CELF2: variants seen among roughly 807,000 people sequenced by gnomAD.
CELF2 encodes the protein CUGBP Elav-like family member 2.
A neutral mutation model predicts 62.6 loss-of-function variants in CELF2; 8 were observed. That is an observed-to-expected ratio of 0.13 (90% CI 0.07 to 0.23). The LOEUF (loss-of-function observed/expected upper bound fraction) is 0.23, where lower values mean the gene tolerates loss of function less well. Ranked by LOEUF, CELF2 falls within the 10% of genes least tolerant of loss-of-function variation. CELF2 has a pLI of 1.00. For synonymous variants in CELF2, 258 were observed against 250.0 expected (o/e 1.03, Z -0.30); for missense variants, 333 against 671.0 (o/e 0.50, Z 5.56).
At chr10:11,072,949 A>G (rs1293188922) in intron 1 of CELF2, among the ~76,000 whole-genome samples, 1 of 151,976 alleles carries the variant, frequency 6.6e-6, no homozygotes, top group African/African-American at 2.4e-5. Flanking sequence ...TTAATACTAT[A>G]CTAATAACTA....
chr10:10,759,518 C>T, the CELF2 span, among the ~76,000 whole-genome samples: 1 of 151,892 alleles, frequency 6.6e-6, no homozygotes, highest in Admixed American at 6.6e-5. Flanking sequence ...CCATGTTGGC[C>T]AGGCTGGTCT....
At position 11,331,282 on chromosome 10, in the gene CELF2, CAAAAA is replaced by C. The variant is rs548586033; in HGVS notation, c.*2239_*2243del. 2 of 50,692 alleles carry C rather than the reference CAAAAA, an allele frequency of 3.9e-5. No homozygotes were observed. Among genetic ancestry groups the C allele is most frequent in the Non-Finnish European group, 9.4e-5 (2 of 21,212 alleles). 3.1% of individuals were successfully genotyped at this position (50,692 alleles called of 1,614,324 possible). On this transcript the variant is annotated 3_prime_UTR_variant, in exon 13 of 13. Transcript: ENST00000633077. The stretch of plus-strand genomic sequence containing the variant: ...AAGTTTAGAATTGGTTTACTTAATA[CAAAAA>C]AAAAAAAAAGAATTTCAAAAAAAAA...
chr10:10,784,186 C>CTG, the CELF2 span, among the ~76,000 whole-genome samples: 636 of 152,286 alleles, frequency 4.2e-3, 5 homozygotes, highest in African/African-American at 0.014. Context: ...TATTCTGGTG[C>CTG]TGTGTGCTTA....
chr10:10,761,701 T>C, the CELF2 span, among the ~76,000 whole-genome samples: 3 of 152,174 alleles, frequency 2.0e-5, no homozygotes, highest in Non-Finnish European at 4.4e-5. Flanking sequence ...TTTCCTAGCT[T>C]CAGATGCAAA....
At chr10:10,632,426 CACAA>C in the CELF2 span, among the ~76,000 whole-genome samples, 9 of 152,226 alleles carry the variant, frequency 5.9e-5, no homozygotes, top group Admixed American at 3.9e-4. Context: ...TTCATACACA[CACAA>C]ACAGACACAC....
At chr10:10,909,220 G>A (rs188980705) in intron 1 of CELF2, among the ~76,000 whole-genome samples, 123 of 152,320 alleles carry the variant, frequency 8.1e-4, no homozygotes, top group African/African-American at 2.9e-3. Context: ...TGAGGTCACC[G>A]CAGCCACACT....
At chr10:11,035,629 T>C (rs539007652) in intron 1 of CELF2, among the ~76,000 whole-genome samples, 2 of 152,358 alleles carry the variant, frequency 1.3e-5, no homozygotes, top group South Asian at 4.1e-4. Context: ...AGATACTTTT[T>C]CACTCTGTAA....
At chr10:11,235,407 A>C (rs2070824244) in intron 3 of CELF2, among the ~76,000 whole-genome samples, 1 of 152,198 alleles carries the variant, frequency 6.6e-6, no homozygotes, top group Non-Finnish European at 1.5e-5. Context: ...TGAAGGCCTA[A>C]TCCTTGAATT....
chr10:10,763,094 G>A, the CELF2 span, among the ~76,000 whole-genome samples: 72 of 152,236 alleles, frequency 4.7e-4, no homozygotes, highest in African/African-American at 1.7e-3. Context: ...GCTTCAATTT[G>A]CTCATTTTAC....
At chr10:10,631,344 G>A in the CELF2 span, among the ~76,000 whole-genome samples, 1 of 152,184 alleles carries the variant, frequency 6.6e-6, no homozygotes, top group Non-Finnish European at 1.5e-5. Flanking sequence ...TTCTGTGCAG[G>A]CATGGAGGTG....
chr10:10,647,812 C>T, the CELF2 span, among the ~76,000 whole-genome samples: 1 of 152,206 alleles, frequency 6.6e-6, no homozygotes, highest in Non-Finnish European at 1.5e-5. Flanking sequence ...AATAAACCTG[C>T]TATTCCAAAA....
At chr10:10,665,890 T>C in the CELF2 span, among the ~76,000 whole-genome samples, 1 of 152,302 alleles carries the variant, frequency 6.6e-6, no homozygotes, top group East Asian at 1.9e-4. Context: ...GCCTATCCCA[T>C]ACAATCATCA....
chr10:11,298,868 G>A (rs1396350632), intron 9 of CELF2, among the ~76,000 whole-genome samples: 1 of 152,002 alleles, frequency 6.6e-6, no homozygotes, highest in Non-Finnish European at 1.5e-5. Context: ...TGATGTTTAG[G>A]TTAAAACTAG....
At chr10:10,532,940 T>A in the CELF2 span, among the ~76,000 whole-genome samples, 4 of 151,390 alleles carry the variant, frequency 2.6e-5, no homozygotes, top group African/African-American at 9.7e-5. Flanking sequence ...CTTGCAAATA[T>A]TGGCGGGAGA....
rs796843182 is a variant in CELF2, at chr10:11,334,930, ATTAT to A, written c.*5884_*5887del. 6 of 152,372 alleles carry A rather than the reference ATTAT, an allele frequency of 3.9e-5. No individual in the cohort carries two copies. The highest frequency in any genetic ancestry group is 7.2e-5 in the African/African-American group (3 of 41,584). The allele number at this position is 152,372 out of a possible 1,614,324, so 9.4% of individuals were successfully genotyped here. ...AGATATGTATAGAAAAGTCATTTAA[ATTAT>A]TTATTTCTACAAGCTAATTGAATCC... On this transcript the variant is annotated 3_prime_UTR_variant, in exon 13 of 13. Transcript: ENST00000633077.
chr10:10,971,972 A>G (rs558744856), intron 2 of CELF2, among the ~76,000 whole-genome samples: 49 of 152,342 alleles, frequency 3.2e-4, no homozygotes, highest in African/African-American at 1.1e-3. Flanking sequence ...TAAGGTATAC[A>G]ACATGATGTT....
At chr10:10,748,007 G>A in the CELF2 span, among the ~76,000 whole-genome samples, 1 of 152,198 alleles carries the variant, frequency 6.6e-6, no homozygotes, top group Admixed American at 6.5e-5. Context: ...CTCACCCATA[G>A]ATAGGAGCTT....
At chr10:10,543,367 C>A in the CELF2 span, among the ~76,000 whole-genome samples, 1 of 152,166 alleles carries the variant, frequency 6.6e-6, no homozygotes, top group Non-Finnish European at 1.5e-5. Context: ...GTTAACCTAC[C>A]TGGTCAACCT....
intron 1 of CELF2, among the ~76,000 whole-genome samples, chr10:11,082,689 A>T (rs1052108791): frequency 6.6e-6 from 1 of 152,194 alleles, no homozygotes; most frequent in Admixed American, 6.5e-5. Flanking sequence ...AGTGTTTCAC[A>T]TTTCCAAATT....
Sources: gnomAD v4.1 joint callset for allele counts (sites outside exome capture counted in the v4.1 genomes callset) on GRCh38, gnomAD v4.1.1 for gene constraint, MANE v1.5 for transcripts, NCBI Gene and HGNC (gene_info 2026-07-23, HGNC 2026-07-21) for gene names.